Variants in FKBP4 observed in about 807,000 individuals in gnomAD.
FKBP4 encodes peptidyl-prolyl cis-trans isomerase FKBP4.
Under a neutral mutation model 54.1 loss-of-function variants are expected in FKBP4, and 28 were observed. The observed-to-expected ratio is 0.52, with a 90% confidence interval of 0.38 to 0.71. The LOEUF (loss-of-function observed/expected upper bound fraction) is 0.71, where lower values mean the gene tolerates loss of function less well. Among genes scored for constraint, FKBP4 ranks in the 30% least tolerant of loss-of-function variants. The pLI is 0.00. For synonymous variants in FKBP4, 223 were observed against 216.1 expected, an observed-to-expected ratio of 1.03 and a Z score of -0.28; for missense variants, 493 against 574.4, an observed-to-expected ratio of 0.86 and a Z score of 1.45.
At chr12:2,797,644 G>T in intron 2 of FKBP4, 85 bp from the exon 3 acceptor site, 1 of 1,479,364 alleles carries the variant, frequency 6.8e-7, no homozygotes. Flanking sequence ...CCCCATGAGT[G>T]TGGTGCAGTA....
In FKBP4 at chr12:2,803,727, T is replaced by C. The variant is rs1386288772; in HGVS notation, c.*469T>C. ...AAAACCACTGCTATGCCATTTCTTC[T>C]CTCTGTTCCCTTCCTCACCCCCGAC... On this transcript the variant is annotated 3_prime_UTR_variant, in exon 10 of 10. Coordinates refer to ENST00000001008, the MANE Select transcript of FKBP4 (RefSeq NM_002014.4). The C allele has an allele frequency of 6.4e-6, 1 of 157,262 alleles. No homozygotes were observed. Among genetic ancestry groups the C allele is most frequent in the Non-Finnish European group, 1.4e-5 (1 of 70,588 alleles). 9.7% of individuals were successfully genotyped at this position (157,262 alleles called of 1,614,324 possible).
At position 2,795,958 on chromosome 12, in the gene FKBP4, G is replaced by C; in HGVS notation, c.105+714G>C. 9.5e-7 allele frequency: 1 copy of C among 1,049,434 alleles called. No individual in the cohort carries two copies. The highest frequency in any genetic ancestry group is 4.8e-4 in the Middle Eastern group (1 of 2,104). The allele number at this position is 1,049,434 out of a possible 1,614,324, so 65.0% of individuals were successfully genotyped here. A position where few individuals can be genotyped will look rare whatever the true frequency, so the allele number is the denominator to read the frequency against. ...CCCCCTCCGCCGCCTCCCGGAGCCA[G>C]GGCTGCGGGGTGTGGGGCGGGGAGG... On this transcript the variant is annotated intron_variant, in intron 1 of 9. Coordinates refer to ENST00000001008, the MANE Select transcript of FKBP4 (RefSeq NM_002014.4). This position sits in a 1 kb window ranked among gnomAD's most constrained non-coding sequence, Gnocchi z 4.3.
At chr12:2,797,410 A>ACT in intron 2 of FKBP4, 128 bp downstream of exon 2, 1 of 1,080,572 alleles carries the variant, frequency 9.3e-7, no homozygotes, top group Non-Finnish European at 1.3e-6. Flanking sequence ...TCTTTCGGTC[A>ACT]CTCTTTTTTT....
Position 2,799,242 on chromosome 12 carries a change from C to T in FKBP4, c.669C>T (p.Pro223=), listed in dbSNP as rs780449875. The part of the protein sequence containing the change: ...KGEHSIVYLK[P]SYAFGSVGKE... ...AACATTCCATCGTGTACCTCAAGCC[C>T]AGGTGAGGGGTGGGCACTTCGTAGG... Residue 223 remains proline, a splice_region_variant and synonymous_variant, in exon 5 of 10, where the codon CCC becomes CCT. Coordinates refer to ENST00000001008, the MANE Select transcript of FKBP4 (RefSeq NM_002014.4). 3 of 1,504,636 alleles carry T rather than the reference C, an allele frequency of 2.0e-6. No homozygotes were observed. The highest frequency in any genetic ancestry group is 2.3e-5 in the Admixed American group (1 of 42,692). The allele number at this position is 1,504,636 out of a possible 1,614,324, so 93.2% of individuals were successfully genotyped here. A position where few individuals can be genotyped will look rare whatever the true frequency, so the allele number is the denominator to read the frequency against.
In FKBP4 at chr12:2,798,010, C is replaced by T. The variant is rs1448899126; in HGVS notation, c.393+139C>T. 1 of 1,049,926 alleles carries T rather than the reference C, an allele frequency of 9.5e-7. No homozygotes were observed. Among genetic ancestry groups the T allele is most frequent in the Non-Finnish European group, 1.4e-6 (1 of 728,000 alleles). 65.0% of individuals were successfully genotyped at this position (1,049,926 alleles called of 1,614,324 possible). The stretch of plus-strand genomic sequence containing the variant: ...GTCTGGCCTTATGGGAGGAGAAATG[C>T]AGAGGGCTCTGCTGCTGCTAGTAAT... On this transcript the variant is annotated intron_variant, in intron 3 of 9. Coordinates refer to ENST00000001008, the MANE Select transcript of FKBP4 (RefSeq NM_002014.4). The surrounding 1 kb of genome is among the most constrained non-coding windows in gnomAD (Gnocchi z 4.3).
At position 2,797,174 on chromosome 12, in the gene FKBP4, A is replaced by G. The variant is rs1309345558; in HGVS notation, c.142A>G (p.Met48Val). The change falls in exon 2 of 10, where the codon ATG becomes GTG. Residue 48 changes from methionine to valine, a missense_variant. Transcript: ENST00000001008. ...AGAGGGCACAGGTACAGAGATGCCC[A>G]TGATTGGGGACCGAGTCTTTGTCCA... is the stretch of plus-strand genomic sequence containing the variant. ...KREGTGTEMP[M>V]IGDRVFVHYT... 2 of 1,613,390 alleles carry G rather than the reference A, an allele frequency of 1.2e-6. No individual in the cohort carries two copies. The highest frequency in any genetic ancestry group is 1.7e-6 in the Non-Finnish European group (2 of 1,179,840).
intron 2 of FKBP4, 55 bp downstream of exon 2, chr12:2,797,337 C>T: frequency 1.3e-6 from 2 of 1,599,650 alleles, no homozygotes; most frequent in Non-Finnish European, 8.5e-7. Context: ...CAAGCTGTCA[C>T]AAGCAGAAAC....
chr12:2,797,107 G>A, intron 1 of FKBP4, 31 bp from the exon 2 acceptor site: 2 of 1,611,306 alleles, frequency 1.2e-6, no homozygotes, highest in Non-Finnish European at 1.7e-6. Flanking sequence ...CCCAAACCCT[G>A]GGGTACTCAC....
intron 8 of FKBP4, 147 bp downstream of exon 8, chr12:2,800,724 G>A: frequency 1.3e-6 from 1 of 781,316 alleles, no homozygotes; most frequent in Non-Finnish European, 2.0e-6. Context: ...CAAAGGCACG[G>A]ATGCAAGTAT....
rs1286526705 is a variant in FKBP4, at chr12:2,797,153, G to T, written c.121G>T (p.Gly41Cys). 1.9e-6 allele frequency: 3 copies of T among 1,612,740 alleles called. No homozygotes were observed. The highest frequency in any genetic ancestry group is 2.5e-6 in the Non-Finnish European group (3 of 1,179,838). The change falls in exon 2 of 10, where the codon GGC (glycine) becomes TGC (cysteine). Residue 41 changes from glycine (G) to cysteine (C), a missense_variant. Gly to Cys is a radical substitution (Grantham distance 159). Coordinates refer to ENST00000001008, the MANE Select transcript of FKBP4 (RefSeq NM_002014.4). ...TTCCTCCCAGGTCATCAAGAGAGAG[G>T]GCACAGGTACAGAGATGCCCATGAT... ...EGVLKVIKREGTGTEMPMIGD... is the reference protein window; with the variant it reads ...EGVLKVIKRECTGTEMPMIGD...
Position 2,796,470 on chromosome 12 carries a change from C to A in FKBP4, c.106-668C>A, listed in dbSNP as rs370625637. 1.9e-5 allele frequency: 23 copies of A among 1,228,670 alleles called. No homozygotes were observed. The African/African-American group carries it at 3.3e-4, about 18-fold the overall frequency. 76.1% of individuals were successfully genotyped at this position (1,228,670 alleles called of 1,614,324 possible). On this transcript the variant is annotated intron_variant, in intron 1 of 9. Coordinates refer to ENST00000001008, the MANE Select transcript of FKBP4 (RefSeq NM_002014.4). ...GTGGAAGCTTTCCCTTGGAGGGTAACCACACACCTACCAGGTGGCGCTAAA... is the reference window on the plus strand; with the variant it reads ...GTGGAAGCTTTCCCTTGGAGGGTAAACACACACCTACCAGGTGGCGCTAAA...
rs1270977971 is a variant in FKBP4, at chr12:2,795,310, GCC to G, written c.105+68_105+69del. The G allele has an allele frequency of 1.1e-6, 1 of 873,794 alleles. No individual in the cohort carries two copies. The highest frequency in any genetic ancestry group is 1.5e-6 in the Non-Finnish European group (1 of 685,172). 54.1% of individuals were successfully genotyped at this position (873,794 alleles called of 1,614,324 possible). On this transcript the variant is annotated intron_variant, in intron 1 of 9. Transcript: ENST00000001008. The surrounding 1 kb of genome is among the most constrained non-coding windows in gnomAD (Gnocchi z 4.3). ...GCCCCGCGGGCCGCCCTTCCGCCGCGCCCGGAGCCCGCGGCCGGGCACGGGTC... is the reference window on the plus strand; with the variant it reads ...GCCCCGCGGGCCGCCCTTCCGCCGCGCGGAGCCCGCGGCCGGGCACGGGTC...
Position 2,801,176 on chromosome 12 carries a change from G to C in FKBP4, c.1092G>C (p.Leu364=). Residue 364 remains leucine (L), a synonymous_variant, in exon 9 of 10, where the codon CTG becomes CTC. Transcript: ENST00000001008. The part of the protein sequence containing the change: ...KGLFRRGEAH[L]AVNDFELARA... ...TCTTCCGCCGGGGAGAGGCCCACCT[G>C]GCCGTGAATGACTTTGAACTGGCAC... 1 of 1,613,650 alleles carries C rather than the reference G, an allele frequency of 6.2e-7. No homozygotes were observed. The highest frequency in any genetic ancestry group is 1.1e-5 in the South Asian group (1 of 91,060).
intron 5 of FKBP4, 26 bp downstream of exon 5, chr12:2,799,270 A>G: frequency 6.8e-7 from 1 of 1,467,518 alleles, no homozygotes; most frequent in Non-Finnish European, 9.0e-7. Flanking sequence ...TTCGTAGGGT[A>G]GGCAGGCAGG....
chr12:2,795,425 C>T lies in FKBP4; in HGVS notation c.105+181C>T, dbSNP rs149259341. ...GACCGGGCTGCGTCGTTTAAGGCAC[C>T]GAGGCCGGCCATGCGCTCGGCAGGG... On this transcript the variant is annotated intron_variant, in intron 1 of 9. Transcript: ENST00000001008. This position sits in a 1 kb window ranked among gnomAD's most constrained non-coding sequence, Gnocchi z 4.3. Among the ~76,000 whole-genome samples the T allele has an allele frequency of 0.065, 9,590 of 147,620 alleles. 424 individuals are homozygous for T. Among genetic ancestry groups the T allele is most frequent in the East Asian group, 0.2 (1,001 of 5,028 alleles).
chr12:2,803,011 A>T lies in FKBP4; in HGVS notation c.1273-140A>T. On this transcript the variant is annotated intron_variant, in intron 9 of 9. Transcript: ENST00000001008. ...CCAAAGTGCTGGGATTACAGGCATAAGCCACCAGGCTTGGCCTATACAGGT... is the reference window on the plus strand; with the variant it reads ...CCAAAGTGCTGGGATTACAGGCATATGCCACCAGGCTTGGCCTATACAGGT... 6.4e-6 allele frequency: 4 copies of T among 622,558 alleles called. No homozygotes were observed. The South Asian group carries it at 8.1e-5, about 13-fold the overall frequency. The allele number at this position is 622,558 out of a possible 1,614,324, so 38.6% of individuals were successfully genotyped here.
chr12:2,797,649 G>A (rs1326410973), intron 2 of FKBP4, 80 bp from the exon 3 acceptor site: 2 of 1,501,698 alleles, frequency 1.3e-6, no homozygotes, highest in East Asian at 4.6e-5. Context: ...TGAGTGTGGT[G>A]CAGTAACTCT....
Position 2,803,660 on chromosome 12 carries a change from A to G in FKBP4, c.*402A>G, listed in dbSNP as rs1424900910. 1 of 172,778 alleles carries G rather than the reference A, an allele frequency of 5.8e-6. No homozygotes were observed. The highest frequency in any genetic ancestry group is 5.6e-5 in the Admixed American group (1 of 17,872). The allele number at this position is 172,778 out of a possible 1,614,324, so 10.7% of individuals were successfully genotyped here. A position where few individuals can be genotyped will look rare whatever the true frequency, so the allele number is the denominator to read the frequency against. On this transcript the variant is annotated 3_prime_UTR_variant, in exon 10 of 10. Coordinates refer to ENST00000001008, the MANE Select transcript of FKBP4 (RefSeq NM_002014.4). ...CCTCATCCTTTCCCTCTCCCAGTCC[A>G]TTTCCAAATGTGGCCTCCATGTGGG...
chr12:2,799,709 G>C, intron 5 of FKBP4, 141 bp from the exon 6 acceptor site: 1 of 709,396 alleles, frequency 1.4e-6, no homozygotes, highest in South Asian at 1.7e-5. Context: ...AGTGTGAAGA[G>C]GCCAGGGAAG....
Sources: gnomAD v4.1 joint callset for allele counts (sites outside exome capture counted in the v4.1 genomes callset) on GRCh38, gnomAD v4.1.1 for gene constraint, Gnocchi (gnomAD v3.1) non-coding constraint, MANE v1.5 for transcripts, NCBI Gene and HGNC (gene_info 2026-07-23, HGNC 2026-07-21) for gene names.